Variants in DTL observed in about 807,000 individuals in gnomAD.
DTL encodes denticleless E3 ubiquitin protein ligase adapter, also known as denticleless protein homolog.
Under a neutral mutation model 87.0 loss-of-function variants are expected in DTL, and 46 were observed. The observed-to-expected ratio is 0.53, with a 90% CI of 0.42 to 0.68. The LOEUF is 0.68. Among genes scored for constraint, DTL ranks in the 30% least tolerant of loss-of-function variants. DTL has a pLI of 0.00. For synonymous variants in DTL, 308 were observed against 311.2 expected, an observed-to-expected ratio of 0.99 and a Z score of 0.11; for missense variants, 737 against 869.4, an observed-to-expected ratio of 0.85 and a Z score of 1.91.
chr1:212,096,241 T>G (rs758097422), intron 13 of DTL, among the ~76,000 whole-genome samples: 12 of 152,234 alleles, frequency 7.9e-5, no homozygotes, highest in Non-Finnish European at 1.6e-4. Context: ...CTAATTGAAC[T>G]TATTTGGATC....
chr1:212,072,904 C>G (rs1021656638), intron 11 of DTL, among the ~76,000 whole-genome samples: 5 of 151,948 alleles, frequency 3.3e-5, no homozygotes, highest in African/African-American at 1.2e-4. Context: ...ACTGGGACTA[C>G]AGGTGCCTGC....
chr1:212,072,795 A>G (rs11119839), intron 11 of DTL, among the ~76,000 whole-genome samples: 56,076 of 138,922 alleles, frequency 0.4, 12,761 homozygotes, highest in Middle Eastern at 0.58. Context: ...ATGGAGTCTC[A>G]CTCTGTCGCA....
rs1383567984 is a variant in DTL at position 212,058,621 on chromosome 1, A to G, written c.461-4263A>G. On this transcript the variant is annotated intron_variant, in intron 5 of 14. Transcript: ENST00000366991. The stretch of plus-strand genomic sequence containing the variant: ...TAGAAAGACTTTAAAAGAATCTAAC[A>G]ATGTACCTCAAGGAACTAGAAAAGC... 1.2e-3 allele frequency among the ~76,000 whole-genome samples: 184 copies of G among 152,084 alleles called. 2 individuals carry two copies. The highest frequency in any genetic ancestry group is 2.9e-5 in the Non-Finnish European group (2 of 67,996).
chr1:212,047,369 G>A lies in DTL; in HGVS notation c.412G>A (p.Gly138Ser). Residue 138 changes from glycine (G) to serine (S), a missense_variant, in exon 5 of 15, where the codon GGT becomes AGT. Coordinates refer to ENST00000366991, the MANE Select transcript of DTL (RefSeq NM_016448.4). ...TGGTGAGCTGATTGGAACATGCAAA[G>A]GTCATCAATGCAGCCTCAAGTCAGT... is the stretch of plus-strand genomic sequence containing the variant. ...KAGELIGTCK[G>S]HQCSLKSVAF... is the part of the protein sequence containing the mutation. 1 of 1,614,190 alleles carries A rather than the reference G, an allele frequency of 6.2e-7. No individual in the cohort carries two copies. The highest frequency in any genetic ancestry group is 1.1e-5 in the South Asian group (1 of 91,076).
In DTL at chr1:212,047,283, C is replaced by T. The variant is rs1387806583; in HGVS notation, c.340-14C>T. 2 of 1,613,920 alleles carry T rather than the reference C, an allele frequency of 1.2e-6. No homozygotes were observed. The highest frequency in any genetic ancestry group is 1.7e-5 in the Admixed American group (1 of 59,984). Reference sequence around the variant, plus strand: ...GAGTGCTTTATTAAATTGTGTTTACCTTATTTTTGAAAGGTTACAGCAGCA... The same window carrying T: ...GAGTGCTTTATTAAATTGTGTTTACTTTATTTTTGAAAGGTTACAGCAGCA... On this transcript the variant is annotated splice_polypyrimidine_tract_variant and intron_variant, in intron 4 of 14. Transcript: ENST00000366991.
intron 10 of DTL, among the ~76,000 whole-genome samples, chr1:212,070,899 C>T (rs1047325889): frequency 6.6e-6 from 1 of 152,122 alleles, no homozygotes; most frequent in African/African-American, 2.4e-5. Flanking sequence ...TTTCTTAGAC[C>T]AGCAGAGGGC....
intron 5 of DTL, among the ~76,000 whole-genome samples, chr1:212,048,175 G>A (rs1412902496): frequency 1.3e-5 from 2 of 151,846 alleles, no homozygotes; most frequent in Non-Finnish European, 2.9e-5. Flanking sequence ...GGTTTAAATG[G>A]CCTGTTTTTT....
At chr1:212,042,122 A>G (rs906095618) in intron 1 of DTL, among the ~76,000 whole-genome samples, 1 of 152,208 alleles carries the variant, frequency 6.6e-6, no homozygotes, top group African/African-American at 2.4e-5. Flanking sequence ...ATGCTTATTG[A>G]ACATTTGGTT....
rs1269580446 is a variant in DTL, at chr1:212,102,873, T to G, written c.2126T>G (p.Ile709Ser). The change falls in exon 15 of 15, where the codon ATC (isoleucine) becomes AGC (serine). Residue 709 changes from isoleucine to serine, a missense_variant. Transcript: ENST00000366991. Reference sequence around the variant, plus strand: ...ATCACGCCCAGCTCCATGAGGAAAATCTGCACATACTTCCATAGAAAGTCC... The same window carrying G: ...ATCACGCCCAGCTCCATGAGGAAAAGCTGCACATACTTCCATAGAAAGTCC... Reference protein sequence around the residue: ...VTITPSSMRKICTYFHRKSQE... With the variant: ...VTITPSSMRKSCTYFHRKSQE... 1 of 1,612,594 alleles carries G rather than the reference T, an allele frequency of 6.2e-7. No homozygotes were observed. Among genetic ancestry groups the G allele is most frequent in the Non-Finnish European group, 8.5e-7 (1 of 1,179,132 alleles).
At chr1:212,058,084 A>G (rs1265133514) in intron 5 of DTL, among the ~76,000 whole-genome samples, 1 of 152,172 alleles carries the variant, frequency 6.6e-6, no homozygotes, top group Admixed American at 6.5e-5. Flanking sequence ...AGCCAATACT[A>G]TTAGATCTAA....
intron 13 of DTL, among the ~76,000 whole-genome samples, chr1:212,090,038 T>C (rs1655238323): frequency 6.6e-6 from 1 of 151,878 alleles, no homozygotes; most frequent in Non-Finnish European, 1.5e-5. Context: ...CCTTTTCTGC[T>C]GAAAAAAATA....
At chr1:212,062,228 A>C (rs1654347968) in intron 5 of DTL, among the ~76,000 whole-genome samples, 1 of 152,178 alleles carries the variant, frequency 6.6e-6, no homozygotes, top group Non-Finnish European at 1.5e-5. Flanking sequence ...ATGCAAGTGG[A>C]TTAGTTTAAG....
rs192690326 is a variant in DTL, at chr1:212,094,253, G to C, written c.1262-5999G>C. ...TTTCAGGTCTTAGATGTAAGTCTTT[G>C]GTCCATCTGGAGTTGATTTTTGTAT... On this transcript the variant is annotated intron_variant, in intron 13 of 14. Coordinates refer to ENST00000366991, the MANE Select transcript of DTL (RefSeq NM_016448.4). 2.6e-3 allele frequency among the ~76,000 whole-genome samples: 394 copies of C among 152,116 alleles called. 4 individuals are homozygous for C. Among genetic ancestry groups the C allele is most frequent in the Admixed American group, 0.01 (155 of 15,282 alleles).
At chr1:212,102,217 GAC>G (rs756293729) in intron 14 of DTL, among the ~76,000 whole-genome samples, 1 of 152,078 alleles carries the variant, frequency 6.6e-6, no homozygotes, top group Non-Finnish European at 1.5e-5. Flanking sequence ...GGAGAAAAAA[GAC>G]AGTTATAAGG....
intron 1 of DTL, among the ~76,000 whole-genome samples, chr1:212,042,697 T>G (rs190079878): frequency 6.6e-6 from 1 of 152,334 alleles, no homozygotes; most frequent in Non-Finnish European, 1.5e-5. Flanking sequence ...GGGGAAGATC[T>G]TTCTTAATAT....
chr1:212,051,088 G>C (rs2102534644), intron 5 of DTL, among the ~76,000 whole-genome samples: 1 of 151,992 alleles, frequency 6.6e-6, no homozygotes, highest in East Asian at 1.9e-4. Context: ...TTGGTGTTTA[G>C]CCTTTTTTTG....
intron 11 of DTL, among the ~76,000 whole-genome samples, chr1:212,076,860 C>T (rs1654846717): frequency 6.6e-6 from 1 of 152,102 alleles, no homozygotes; most frequent in African/African-American, 2.4e-5. Context: ...AGTGAGATTC[C>T]TGTAGATGTG....
intron 7 of DTL, 109 bp downstream of exon 7, chr1:212,065,138 CAG>C: frequency 2.4e-6 from 2 of 833,254 alleles, no homozygotes; most frequent in Non-Finnish European, 3.8e-6. Flanking sequence ...CATTTGATAT[CAG>C]TGGTTTATTG....
At chr1:212,043,269 A>G in intron 2 of DTL, 151 bp downstream of exon 2, 1 of 737,746 alleles carries the variant, frequency 1.4e-6, no homozygotes, top group Non-Finnish European at 2.1e-6. Flanking sequence ...TGATTTATAA[A>G]ATAGACTTTT....
Sources: allele counts gnomAD v4.1 joint callset (sites outside exome capture counted in the v4.1 genomes callset), GRCh38; gene constraint gnomAD v4.1.1; transcripts MANE v1.5; gene names NCBI Gene and HGNC (gene_info 2026-07-23, HGNC 2026-07-21).